Variants in SOBP observed in about 807,000 individuals in gnomAD.
The protein encoded by SOBP is sine oculis binding protein homolog, also known as sine oculis-binding protein homolog.
A neutral mutation model predicts 53.6 loss-of-function variants in SOBP; 4 were observed. The ratio of observed to expected loss-of-function variants is 0.07; its 90% CI spans 0.04 to 0.17. The LOEUF is 0.17. Ranked by LOEUF, SOBP falls within the 10% of genes least tolerant of loss-of-function variation. The pLI is 1.00. For missense variants in SOBP, 1,088 were observed against 1,204.7 expected, an observed-to-expected ratio of 0.90 and a Z score of 1.43; for synonymous variants, 584 against 522.6, an observed-to-expected ratio of 1.12 and a Z score of -1.60.
intron 4 of SOBP, among the ~76,000 whole-genome samples, chr6:107,538,549 C>T (rs1784067632): frequency 2.6e-5 from 4 of 152,142 alleles, no homozygotes; most frequent in Admixed American, 1.3e-4. Context: ...TTTTAACAGC[C>T]ACCAGTGAGC....
At chr6:107,591,803 G>A (rs966122906) in intron 5 of SOBP, among the ~76,000 whole-genome samples, 1 of 151,880 alleles carries the variant, frequency 6.6e-6, no homozygotes, top group African/African-American at 2.4e-5. Flanking sequence ...TTAAAGTAGT[G>A]GGAATCATAT....
At chr6:107,577,805 T>G (rs891853285) in intron 4 of SOBP, among the ~76,000 whole-genome samples, 5 of 152,044 alleles carry the variant, frequency 3.3e-5, no homozygotes, top group East Asian at 3.9e-4. Flanking sequence ...CGGGCGTGGT[T>G]GCTCATGCCT....
chr6:107,535,552 C>T (rs1260034147), intron 4 of SOBP, among the ~76,000 whole-genome samples: 1 of 151,968 alleles, frequency 6.6e-6, no homozygotes, highest in African/African-American at 2.4e-5. Context: ...AACAATTCCT[C>T]CCTTCTCTGC....
intron 1 of SOBP, among the ~76,000 whole-genome samples, chr6:107,502,457 G>A (rs1782868587): frequency 6.6e-6 from 1 of 152,034 alleles, no homozygotes; most frequent in Non-Finnish European, 1.5e-5. Context: ...TCCAGATATA[G>A]CAATTGATAA....
intron 1 of SOBP, among the ~76,000 whole-genome samples, chr6:107,498,004 T>G (rs2114936703): frequency 6.6e-6 from 1 of 152,348 alleles, no homozygotes; most frequent in South Asian, 2.1e-4. Flanking sequence ...GTTATAATTT[T>G]TAAGCTTTTA....
intron 6 of SOBP, among the ~76,000 whole-genome samples, chr6:107,654,913 G>GAT (rs1377137255): frequency 1.3e-5 from 2 of 150,670 alleles, no homozygotes; most frequent in African/African-American, 4.9e-5. Flanking sequence ...TCTGAGGGAG[G>GAT]GTGGGTGAGG....
rs73762285 is a variant in SOBP, at chr6:107,610,168, G to A, written c.669+22993G>A. ...GCATGCATCAGGTGTCAGGCATTTG[G>A]GAGGAGCTGCGAGTAGAAGGGGAAT... On this transcript the variant is annotated intron_variant, in intron 5 of 6. Coordinates refer to ENST00000317357, the MANE Select transcript of SOBP (RefSeq NM_018013.4). Among the ~76,000 whole-genome samples, 756 of 152,250 alleles carry A rather than the reference G, an allele frequency of 5.0e-3. 11 individuals carry two copies. Among genetic ancestry groups the A allele is most frequent in the African/African-American group, 0.017 (713 of 41,540 alleles).
intron 4 of SOBP, among the ~76,000 whole-genome samples, chr6:107,534,804 C>A (rs536278997): frequency 6.6e-6 from 1 of 152,302 alleles, no homozygotes; most frequent in East Asian, 1.9e-4. Context: ...TTGGGACTGT[C>A]AGCAGTCAAG....
intron 4 of SOBP, among the ~76,000 whole-genome samples, chr6:107,565,930 A>G (rs1784904747): frequency 6.6e-6 from 1 of 152,176 alleles, no homozygotes; most frequent in South Asian, 2.1e-4. Flanking sequence ...ATAATGTTGT[A>G]CTTTTCCCCA....
chr6:107,507,012 G>A (rs974451876), intron 3 of SOBP, among the ~76,000 whole-genome samples: 1 of 151,292 alleles, frequency 6.6e-6, no homozygotes, highest in Non-Finnish European at 1.5e-5. Context: ...GTTGCAGTGA[G>A]CCGAGATCAC....
intron 4 of SOBP, among the ~76,000 whole-genome samples, chr6:107,585,717 A>G (rs1282735086): frequency 6.6e-6 from 1 of 152,230 alleles, no homozygotes; most frequent in African/African-American, 2.4e-5. Flanking sequence ...ATTACTGACC[A>G]TGACATTGCA....
chr6:107,654,780 G>A (rs375212182), intron 6 of SOBP, among the ~76,000 whole-genome samples: 1,048 of 110,502 alleles, frequency 9.5e-3, no homozygotes, highest in South Asian at 0.024. Context: ...AGGGCTCTGA[G>A]GGAGGGTGGC....
chr6:107,538,031 G>A (rs1234334503), intron 4 of SOBP, among the ~76,000 whole-genome samples: 1 of 152,090 alleles, frequency 6.6e-6, no homozygotes, highest in Non-Finnish European at 1.5e-5. Context: ...AATAATTCAA[G>A]GAGGAGAATA....
chr6:107,557,388 A>G (rs1484543975), intron 4 of SOBP, among the ~76,000 whole-genome samples: 2 of 152,224 alleles, frequency 1.3e-5, no homozygotes, highest in South Asian at 2.1e-4. Flanking sequence ...TGCTTTGTAC[A>G]AGCAGAAATT....
intron 5 of SOBP, among the ~76,000 whole-genome samples, chr6:107,587,378 C>T (rs1205128515): frequency 6.6e-6 from 1 of 152,068 alleles, no homozygotes; most frequent in Non-Finnish European, 1.5e-5. Flanking sequence ...GATTATAGAG[C>T]TTGAATGGCC....
At chr6:107,627,162 G>C (rs1326306301) in intron 5 of SOBP, among the ~76,000 whole-genome samples, 2 of 152,096 alleles carry the variant, frequency 1.3e-5, no homozygotes, top group Admixed American at 6.6e-5. Context: ...GTTTTGTCAT[G>C]GTATATTAAT....
chr6:107,603,262 A>G (rs1483569957), intron 5 of SOBP, among the ~76,000 whole-genome samples: 1 of 152,182 alleles, frequency 6.6e-6, no homozygotes, highest in Non-Finnish European at 1.5e-5. Context: ...CCTGCCTCCC[A>G]GTGTGCCTTC....
In SOBP at chr6:107,513,582, A is replaced by T. The variant is rs575484167; in HGVS notation, c.421+7155A>T. ...TTGCATATGATGATGTGTTCCAAAT[A>T]GCCATTGAGAAAACAGGATTTAATC... On this transcript the variant is annotated intron_variant, in intron 3 of 6. Transcript: ENST00000317357. 2.0e-5 allele frequency among the ~76,000 whole-genome samples: 3 copies of T among 152,318 alleles called. No individual in the cohort carries two copies. The South Asian group carries it at 6.2e-4, about 32-fold the overall frequency.
At chr6:107,516,852 G>T (rs1783335278) in intron 3 of SOBP, among the ~76,000 whole-genome samples, 1 of 152,092 alleles carries the variant, frequency 6.6e-6, no homozygotes, top group Admixed American at 6.5e-5. Context: ...AAACATTGCT[G>T]AGAGAAATTA....
Sources: allele counts gnomAD v4.1 joint callset (sites outside exome capture counted in the v4.1 genomes callset), GRCh38; gene constraint gnomAD v4.1.1; transcripts MANE v1.5; gene names NCBI Gene and HGNC (gene_info 2026-07-23, HGNC 2026-07-21).